HEY2: variants seen among roughly 807,000 people sequenced by gnomAD.
HEY2 encodes the protein hes related family bHLH transcription factor with YRPW motif 2.
A neutral mutation model predicts 18.1 loss-of-function variants in HEY2; 10 were observed. That is an observed-to-expected ratio of 0.55 (90% confidence interval 0.34 to 0.94). HEY2 has a LOEUF of 0.94. Among genes scored for constraint, HEY2 ranks in the 40% least tolerant of loss-of-function variants. The pLI, the probability that HEY2 is intolerant of heterozygous loss-of-function variation, is 0.02. For missense variants in HEY2, 455 were observed against 455.9 expected (o/e 1.00, Z 0.02); for synonymous variants, 210 against 182.7 (o/e 1.15, Z -1.21).
chr6:125,756,790 G>A (rs1244417817), intron 4 of HEY2, among the ~76,000 whole-genome samples: 1 of 152,172 alleles, frequency 6.6e-6, no homozygotes, highest in Non-Finnish European at 1.5e-5. Context: ...GACAGTTGTA[G>A]TGTCCATACT....
rs1222379238 is a variant in HEY2 at position 125,759,686 on chromosome 6, G to A, written c.898G>A (p.Ala300Thr). The A allele has an allele frequency of 1.9e-6, 3 of 1,612,532 alleles. No individual in the cohort carries two copies. The East Asian group carries it at 6.7e-5, about 36-fold the overall frequency. ...PPNAAAAVAA[A>T]TAISPPLSVS... is the part of the protein sequence containing the mutation. ...AAACGCAGCAGCAGCAGTGGCCGCGGCCACAGCCATCAGCCCGCCCTTGTC... is the reference window on the plus strand; with the variant it reads ...AAACGCAGCAGCAGCAGTGGCCGCGACCACAGCCATCAGCCCGCCCTTGTC... Residue 300 changes from alanine (A) to threonine (T), a missense_variant, in exon 5 of 5, where the codon GCC becomes ACC. Coordinates refer to ENST00000368364, the MANE Select transcript of HEY2 (RefSeq NM_012259.3).
intron 4 of HEY2, among the ~76,000 whole-genome samples, chr6:125,757,998 A>G (rs111893376): frequency 1.3e-5 from 2 of 152,208 alleles, no homozygotes; most frequent in Admixed American, 6.5e-5. Context: ...GATATTTCTT[A>G]TTCATGTATA....
intron 1 of HEY2, among the ~76,000 whole-genome samples, chr6:125,751,164 T>C (rs562847699): frequency 6.6e-6 from 1 of 152,338 alleles, no homozygotes; most frequent in Non-Finnish European, 1.5e-5. Context: ...CACCTAGTAA[T>C]AAAATGAGTT....
At chr6:125,756,301 C>T (rs1773654911) in intron 4 of HEY2, among the ~76,000 whole-genome samples, 1 of 151,760 alleles carries the variant, frequency 6.6e-6, no homozygotes, top group South Asian at 2.1e-4. Context: ...GGTGTGGTGG[C>T]TCATGCCTGT....
At position 125,760,514 on chromosome 6, in the gene HEY2, G is replaced by A. The variant is rs1773778144; in HGVS notation, c.*712G>A. Reference sequence around the variant, plus strand: ...ATTTCATCAGTTCTCAGATTAACAAGCATTTCTGCTCTGCCTGCAGGCCCC... The same window carrying A: ...ATTTCATCAGTTCTCAGATTAACAAACATTTCTGCTCTGCCTGCAGGCCCC... On this transcript the variant is annotated 3_prime_UTR_variant, in exon 5 of 5. Coordinates refer to ENST00000368364, the MANE Select transcript of HEY2 (RefSeq NM_012259.3). 1 of 151,960 alleles carries A rather than the reference G, an allele frequency of 6.6e-6. No homozygotes were observed. Among genetic ancestry groups the A allele is most frequent in the Non-Finnish European group, 1.5e-5 (1 of 68,010 alleles). The allele number at this position is 151,960 out of a possible 1,614,324, so 9.4% of individuals were successfully genotyped here.
chr6:125,749,803 C>T lies in HEY2; in HGVS notation c.27C>T (p.Thr9=), dbSNP rs1257008401. 3 of 1,583,922 alleles carry T rather than the reference C, an allele frequency of 1.9e-6. No homozygotes were observed. The highest frequency in any genetic ancestry group is 1.7e-6 in the Non-Finnish European group (2 of 1,165,724). The change falls in exon 1 of 5, where the codon ACC becomes ACT. Residue 9 remains threonine (T), a synonymous_variant. Transcript: ENST00000368364. ...TGAAGCGCCCCTGCGAGGAGACGAC[C>T]TCCGAGAGCGACATGGACGAGACCA... The part of the protein sequence containing the change: MKRPCEET[T]SESDMDETID...
intron 4 of HEY2, 147 bp downstream of exon 4, chr6:125,754,693 C>A: frequency 4.5e-6 from 2 of 443,672 alleles, no homozygotes; most frequent in Non-Finnish European, 8.1e-6. Flanking sequence ...CCATGGAAAT[C>A]AATGCTAATG....
At position 125,759,684 on chromosome 6, in the gene HEY2, C is replaced by T. The variant is rs138413872; in HGVS notation, c.896C>T (p.Ala299Val). The T allele has an allele frequency of 1.9e-6, 3 of 1,612,564 alleles. No homozygotes were observed. Among genetic ancestry groups the T allele is most frequent in the African/African-American group, 2.7e-5 (2 of 75,052 alleles). Reference protein sequence around the residue: ...LPPNAAAAVAAATAISPPLSV... With the variant: ...LPPNAAAAVAVATAISPPLSV... ...CCAAACGCAGCAGCAGCAGTGGCCG[C>T]GGCCACAGCCATCAGCCCGCCCTTG... Residue 299 changes from alanine (A) to valine (V), a missense_variant, in exon 5 of 5, where the codon GCG (alanine) becomes GTG (valine). Ala to Val is a moderately conservative substitution (Grantham distance 64). Transcript: ENST00000368364.
Position 125,759,703 on chromosome 6 carries a change from G to A in HEY2, c.915G>A (p.Pro305=), listed in dbSNP as rs756533636. 5.6e-6 allele frequency: 9 copies of A among 1,613,094 alleles called. No homozygotes were observed. In the East Asian group the frequency reaches 1.6e-4, roughly 28 times the overall value. ...TGGCCGCGGCCACAGCCATCAGCCC[G>A]CCCTTGTCAGTATCAGCCACGTCCA... The part of the protein sequence containing the change: ...AAVAAATAIS[P]PLSVSATSSP... Residue 305 remains proline, a synonymous_variant, in exon 5 of 5, where the codon CCG becomes CCA. Transcript: ENST00000368364.
intron 4 of HEY2, 129 bp downstream of exon 4, chr6:125,754,675 G>A (rs553649524): frequency 2.2e-6 from 1 of 458,382 alleles, no homozygotes; most frequent in African/African-American, 2.0e-5. Flanking sequence ...GGAGGCCCCA[G>A]ATTAAAGCCA....
At chr6:125,755,337 C>G (rs1773633595) in intron 4 of HEY2, among the ~76,000 whole-genome samples, 3 of 152,212 alleles carry the variant, frequency 2.0e-5, no homozygotes, top group Non-Finnish European at 4.4e-5. Flanking sequence ...ACAACTCAGA[C>G]TTGATTTTGT....
chr6:125,749,651 G>A lies in HEY2; in HGVS notation c.-126G>A, dbSNP rs1215065165. 2 of 557,126 alleles carry A rather than the reference G, an allele frequency of 3.6e-6. No homozygotes were observed. Among genetic ancestry groups the A allele is most frequent in the East Asian group, 3.5e-5 (1 of 28,406 alleles). 34.5% of individuals were successfully genotyped at this position (557,126 alleles called of 1,614,324 possible). On this transcript the variant is annotated 5_prime_UTR_variant, in exon 1 of 5. Transcript: ENST00000368364. ...GCGTGGGAAAGAGCCGCTAGGAGCA[G>A]ACCGCGCCGCCGCCGGAGCCGCGCC... is the stretch of plus-strand genomic sequence containing the variant.
chr6:125,759,331 C>T lies in HEY2; in HGVS notation c.543C>T (p.His181=), dbSNP rs144406333. 4.3e-5 allele frequency: 69 copies of T among 1,605,152 alleles called. No individual in the cohort carries two copies. The highest frequency in any genetic ancestry group is 8.0e-5 in the African/African-American group (6 of 75,016). Residue 181 remains histidine, a synonymous_variant, in exon 5 of 5, where the codon CAC becomes CAT. Coordinates refer to ENST00000368364, the MANE Select transcript of HEY2 (RefSeq NM_012259.3). ...TGGCCCACCACCATCATCCGCTCCA[C>T]CCGCATCACTGGGCCGCCGCCTTCC... is the stretch of plus-strand genomic sequence containing the variant. The part of the protein sequence containing the change: ...SSMAHHHHPL[H]PHHWAAAFHH...
chr6:125,759,259 C>T lies in HEY2; in HGVS notation c.471C>T (p.Leu157=), dbSNP rs1773730375. 6.2e-7 allele frequency: 1 copy of T among 1,608,812 alleles called. No individual in the cohort carries two copies. ...DPLRVRLVSH[L]STCATQREAA... is the part of the protein sequence containing the mutation. ...TGCGGGTGCGGCTTGTGTCTCATCT[C>T]AGCACTTGCGCCACCCAGCGGGAGG... is the stretch of plus-strand genomic sequence containing the variant. The change falls in exon 5 of 5, where the codon CTC becomes CTT. Residue 157 remains leucine (L), a synonymous_variant. Transcript: ENST00000368364.
At chr6:125,750,504 AT>A in intron 1 of HEY2, 1 of 643,716 alleles carries the variant, frequency 1.6e-6, no homozygotes, top group Non-Finnish European at 1.9e-6. Flanking sequence ...TTACCGAGGC[AT>A]TTTAGAGCCA....
At chr6:125,754,354 G>T (rs1773609796) in intron 3 of HEY2, 111 bp from the exon 4 acceptor site, 1 of 498,324 alleles carries the variant, frequency 2.0e-6, no homozygotes, top group Admixed American at 4.2e-5. Flanking sequence ...TAAAAGTTGG[G>T]ATTGTCTAGT....
At chr6:125,757,715 G>C (rs561196868) in intron 4 of HEY2, among the ~76,000 whole-genome samples, 3 of 152,350 alleles carry the variant, frequency 2.0e-5, no homozygotes, top group Admixed American at 1.3e-4. Flanking sequence ...TTGGGAAGCC[G>C]AGGCAGGAGA....
At chr6:125,750,376 T>G in intron 1 of HEY2, 1 of 985,366 alleles carries the variant, frequency 1.0e-6, no homozygotes, top group African/African-American at 1.7e-5. Context: ...CAAGAGTGAG[T>G]GACAGATGTA....
intron 4 of HEY2, 38 bp from the exon 5 acceptor site, chr6:125,759,079 T>G: frequency 6.6e-7 from 1 of 1,507,228 alleles, no homozygotes; most frequent in Non-Finnish European, 9.0e-7. Context: ...CCCGCCCATC[T>G]CTCTCCTGTT....
Sources: gnomAD v4.1 joint callset for allele counts (sites outside exome capture counted in the v4.1 genomes callset) on GRCh38, gnomAD v4.1.1 for gene constraint, MANE v1.5 for transcripts, NCBI Gene and HGNC (gene_info 2026-07-23, HGNC 2026-07-21) for gene names.